The following SLC26A7 variants were observed in gnomAD, a reference collection of about 807,000 sequenced individuals.
SLC26A7 encodes the protein solute carrier family 26 member 7, also known as anion exchange transporter.
In SLC26A7, 59 loss-of-function variants were observed where a neutral mutation model predicts 82.5. That is an observed-to-expected ratio of 0.72 (90% CI 0.58 to 0.89). The LOEUF (loss-of-function observed/expected upper bound fraction) is 0.89, where lower values mean the gene tolerates loss of function less well. SLC26A7 is among the 40% of genes least tolerant of loss of function. The probability of loss-of-function intolerance (pLI) is 0.00; values close to 1 mark genes in which losing one functional copy is unlikely to be tolerated. For missense variants in SLC26A7, 820 were observed against 793.0 expected (o/e 1.03, Z -0.41); for synonymous variants, 271 against 274.3 (o/e 0.99, Z 0.12).
intron 5 of SLC26A7, 73 bp downstream of exon 5, chr8:91,318,453 T>C (rs2130808742): frequency 7.4e-7 from 1 of 1,348,114 alleles, no homozygotes; most frequent in East Asian, 2.5e-5. Flanking sequence ...TGATTAATTA[T>C]AGTACTGAGA....
At chr8:91,382,814 C>T (rs1814702266) in intron 15 of SLC26A7, among the ~76,000 whole-genome samples, 1 of 152,100 alleles carries the variant, frequency 6.6e-6, no homozygotes, top group Non-Finnish European at 1.5e-5. Flanking sequence ...TATAGCAATT[C>T]ACAGGACATT....
chr8:91,347,965 T>C (rs6471277), intron 9 of SLC26A7, among the ~76,000 whole-genome samples: 63,596 of 152,084 alleles, frequency 0.42, 15,085 homozygotes, highest in African/African-American at 0.64. Context: ...GCTTTCTTCC[T>C]TGCATGCTTC....
At chr8:91,364,680 T>G (rs1467066051) in intron 13 of SLC26A7, among the ~76,000 whole-genome samples, 1 of 152,184 alleles carries the variant, frequency 6.6e-6, no homozygotes, top group African/African-American at 2.4e-5. Context: ...TGGCTTTGGA[T>G]TTGACTATTT....
chr8:91,231,408 A>T (rs763257923), intron 2 of SLC26A7, among the ~76,000 whole-genome samples: 3 of 152,202 alleles, frequency 2.0e-5, no homozygotes, highest in Non-Finnish European at 4.4e-5. Context: ...ATACAGGGAC[A>T]TGTACAGAAG....
chr8:91,228,464 A>G (rs1810267141), intron 2 of SLC26A7, among the ~76,000 whole-genome samples: 1 of 152,234 alleles, frequency 6.6e-6, no homozygotes, highest in African/African-American at 2.4e-5. Context: ...TATTAATATC[A>G]CTGCAGACTA....
At chr8:91,224,319 A>G (rs1810203768) in intron 2 of SLC26A7, among the ~76,000 whole-genome samples, 1 of 151,938 alleles carries the variant, frequency 6.6e-6, no homozygotes, top group African/African-American at 2.4e-5. Context: ...GAGTTTGTCT[A>G]GTTTCAATCT....
intron 2 of SLC26A7, among the ~76,000 whole-genome samples, chr8:91,269,539 C>A (rs1210160296): frequency 6.6e-6 from 1 of 152,048 alleles, no homozygotes; most frequent in Non-Finnish European, 1.5e-5. Context: ...TCTTTTGCTA[C>A]TTTGAGTATT....
intron 4 of SLC26A7, among the ~76,000 whole-genome samples, chr8:91,306,617 A>G (rs1028925737): frequency 1.3e-5 from 2 of 152,146 alleles, no homozygotes; most frequent in Admixed American, 6.6e-5. Context: ...CCCTGTTACT[A>G]ACATCTTACA....
At chr8:91,291,557 G>T (rs1233546492) in intron 3 of SLC26A7, among the ~76,000 whole-genome samples, 1 of 151,892 alleles carries the variant, frequency 6.6e-6, no homozygotes, top group East Asian at 1.9e-4. Context: ...CAAGATAAAA[G>T]AAAAAGGCAA....
At chr8:91,343,574 A>G in intron 9 of SLC26A7, 108 bp downstream of exon 9, 1 of 698,604 alleles carries the variant, frequency 1.4e-6, no homozygotes, top group Non-Finnish European at 2.2e-6. Flanking sequence ...ATTTTCACTT[A>G]TTTAATTTTT....
chr8:91,357,556 T>C (rs1813906335), intron 11 of SLC26A7, among the ~76,000 whole-genome samples: 2 of 152,198 alleles, frequency 1.3e-5, no homozygotes, highest in Non-Finnish European at 2.9e-5. Flanking sequence ...TGGCTAGCCA[T>C]AGGTAGAAAG....
chr8:91,346,063 A>AT (rs528722494), intron 9 of SLC26A7, among the ~76,000 whole-genome samples: 1 of 151,996 alleles, frequency 6.6e-6, no homozygotes, highest in Admixed American at 6.6e-5. Flanking sequence ...TTTAATAGGA[A>AT]TTTTTTTTCT....
At chr8:91,362,953 C>A (rs183349763) in intron 12 of SLC26A7, among the ~76,000 whole-genome samples, 1 of 152,118 alleles carries the variant, frequency 6.6e-6, no homozygotes, top group African/African-American at 2.4e-5. Flanking sequence ...CCTAGTCTGA[C>A]CAATTCTTTT....
intron 2 of SLC26A7, among the ~76,000 whole-genome samples, chr8:91,272,480 A>T (rs554983237): frequency 6.6e-6 from 1 of 151,976 alleles, no homozygotes; most frequent in East Asian, 1.9e-4. Flanking sequence ...AGCACGATCA[A>T]CTCTTCCTGG....
At chr8:91,288,277 T>C (rs1811763161) in intron 2 of SLC26A7, among the ~76,000 whole-genome samples, 1 of 152,128 alleles carries the variant, frequency 6.6e-6, no homozygotes, top group African/African-American at 2.4e-5. Flanking sequence ...ACATGTAAAG[T>C]CCTTTATGCC....
At chr8:91,349,578 A>C (rs1325922126) in intron 9 of SLC26A7, among the ~76,000 whole-genome samples, 1 of 152,116 alleles carries the variant, frequency 6.6e-6, no homozygotes, top group Non-Finnish European at 1.5e-5. Context: ...GCGTTTTTGG[A>C]TCCCAATTCA....
intron 2 of SLC26A7, among the ~76,000 whole-genome samples, chr8:91,232,836 G>A (rs1810327375): frequency 6.6e-6 from 1 of 152,170 alleles, no homozygotes; most frequent in Non-Finnish European, 1.5e-5. Flanking sequence ...GCTTTTACTG[G>A]GGGAAAAGCA....
intron 2 of SLC26A7, among the ~76,000 whole-genome samples, chr8:91,288,199 A>C (rs1811761280): frequency 6.6e-6 from 1 of 152,222 alleles, no homozygotes; most frequent in South Asian, 2.1e-4. Context: ...TATAGTGTGA[A>C]TAATTACCTG....
At chr8:91,346,319 T>G (rs1441624672) in intron 9 of SLC26A7, among the ~76,000 whole-genome samples, 1 of 152,074 alleles carries the variant, frequency 6.6e-6, no homozygotes, top group Non-Finnish European at 1.5e-5. Flanking sequence ...AGTGTTAAGT[T>G]TATGTGGGTA....
Sources: allele counts gnomAD v4.1 joint callset (sites outside exome capture counted in the v4.1 genomes callset), GRCh38; gene constraint gnomAD v4.1.1; transcripts MANE v1.5; gene names NCBI Gene and HGNC (gene_info 2026-07-23, HGNC 2026-07-21).